The following PLCB1 variants were observed in gnomAD, a reference collection of about 807,000 sequenced individuals.
PLCB1 encodes the protein 1-phosphatidylinositol 4,5-bisphosphate phosphodiesterase beta-1.
PLCB1 carries 46 observed loss-of-function variants against 161.8 expected under a neutral mutation model. That is an observed-to-expected ratio of 0.28 (90% CI 0.22 to 0.36). The LOEUF (loss-of-function observed/expected upper bound fraction) is 0.36, where lower values mean the gene tolerates loss of function less well. PLCB1 is among the 10% of genes least tolerant of loss of function. The pLI is 1.00. For synonymous variants in PLCB1, 517 were observed against 503.7 expected (o/e 1.03, Z -0.35); for missense variants, 1,016 against 1,472.5 (o/e 0.69, Z 5.07).
At chr20:8,629,540 A>G (rs1419499262) in intron 4 of PLCB1, among the ~76,000 whole-genome samples, 1 of 152,236 alleles carries the variant, frequency 6.6e-6, no homozygotes, top group African/African-American at 2.4e-5. Flanking sequence ...TATAGTTTAT[A>G]AAATACTAGT....
chr20:8,458,763 A>C (rs1323937791), intron 3 of PLCB1, among the ~76,000 whole-genome samples: 1 of 152,212 alleles, frequency 6.6e-6, no homozygotes, highest in Non-Finnish European at 1.5e-5. Flanking sequence ...TAAAGTAAAG[A>C]AGCTGACCTT....
At chr20:8,579,451 C>T (rs1330558867) in intron 3 of PLCB1, among the ~76,000 whole-genome samples, 1 of 152,170 alleles carries the variant, frequency 6.6e-6, no homozygotes, top group African/African-American at 2.4e-5. Flanking sequence ...CAAGCGTAAG[C>T]TAAACAACTA....
At chr20:8,188,648 C>A (rs910219994) in intron 2 of PLCB1, among the ~76,000 whole-genome samples, 5 of 152,122 alleles carry the variant, frequency 3.3e-5, no homozygotes, top group African/African-American at 1.2e-4. Flanking sequence ...CTTTTGGAAA[C>A]TTCCTGGGAA....
At chr20:8,395,227 A>G (rs73897432) in intron 3 of PLCB1, among the ~76,000 whole-genome samples, 2,892 of 152,154 alleles carry the variant, frequency 0.019, 107 homozygotes, top group African/African-American at 0.067. Flanking sequence ...CCATAGATAA[A>G]TCTCTACTGT....
rs1987134799 is a variant in PLCB1, at chr20:8,591,034, T to C, written c.247-37260T>C. Among the ~76,000 whole-genome samples, 6 of 152,302 alleles carry C rather than the reference T, an allele frequency of 3.9e-5. 1 individual carries two copies. In the South Asian group the frequency reaches 1.2e-3, roughly 32 times the overall value. On this transcript the variant is annotated intron_variant, in intron 3 of 31. Transcript: ENST00000338037. ...TTCCCCTCCCTGTGTCCATGTGTTC[T>C]CATTGTTCAGCTCCCACTTATAAGC...
At chr20:8,744,074 A>G (rs1288542676) in intron 23 of PLCB1, among the ~76,000 whole-genome samples, 4 of 152,172 alleles carry the variant, frequency 2.6e-5, no homozygotes, top group Non-Finnish European at 5.9e-5. Flanking sequence ...GGTACAATGC[A>G]TATTACCTGA....
At chr20:8,617,969 TTTGAG>T (rs1332125995) in intron 3 of PLCB1, among the ~76,000 whole-genome samples, 2 of 152,296 alleles carry the variant, frequency 1.3e-5, no homozygotes, top group East Asian at 3.9e-4. Flanking sequence ...AGTATAATAA[TTTGAG>T]TTAATTCTTG....
At chr20:8,709,758 C>T (rs150463670) in intron 12 of PLCB1, among the ~76,000 whole-genome samples, 106 of 152,256 alleles carry the variant, frequency 7.0e-4, no homozygotes, top group African/African-American at 2.4e-3. Flanking sequence ...GCCAGAAATC[C>T]ATATTATATT....
At position 8,624,123 on chromosome 20, in the gene PLCB1, T is replaced by C. The variant is rs77840557; in HGVS notation, c.247-4171T>C. Among the ~76,000 whole-genome samples, 999 of 152,330 alleles carry C rather than the reference T, an allele frequency of 6.6e-3. 9 individuals are homozygous for C. Among genetic ancestry groups the C allele is most frequent in the African/African-American group, 0.023 (954 of 41,568 alleles). On this transcript the variant is annotated intron_variant, in intron 3 of 31. Coordinates refer to ENST00000338037, the MANE Select transcript of PLCB1 (RefSeq NM_015192.4). ...GTAGCTTTATCACTATGAAGCTGAA[T>C]CACACGAATCTCACTTAAGTATAAG...
intron 26 of PLCB1, among the ~76,000 whole-genome samples, chr20:8,770,101 C>T (rs972352483): frequency 2.8e-4 from 43 of 152,194 alleles, no homozygotes; most frequent in African/African-American, 7.2e-4. Flanking sequence ...TATAGGCGCC[C>T]GCCACCACGC....
chr20:8,844,877 G>T (rs1003418473), intron 31 of PLCB1, among the ~76,000 whole-genome samples: 6 of 152,076 alleles, frequency 3.9e-5, no homozygotes, highest in African/African-American at 1.4e-4. Flanking sequence ...TTGGGAGGCC[G>T]AGGCGGGCGG....
chr20:8,375,748 T>C (rs1287917337), intron 3 of PLCB1, among the ~76,000 whole-genome samples: 1 of 152,136 alleles, frequency 6.6e-6, no homozygotes, highest in Non-Finnish European at 1.5e-5. Context: ...CTGGCATCTC[T>C]ACTTCCTCAT....
chr20:8,800,682 T>G (rs1984241304), intron 31 of PLCB1, among the ~76,000 whole-genome samples: 1 of 152,120 alleles, frequency 6.6e-6, no homozygotes, highest in South Asian at 2.1e-4. Context: ...AAAGATTTGT[T>G]TCCTTTTTCT....
At chr20:8,859,736 A>T (rs549076117) in intron 31 of PLCB1, among the ~76,000 whole-genome samples, 1 of 152,126 alleles carries the variant, frequency 6.6e-6, no homozygotes, top group East Asian at 1.9e-4. Context: ...GGTCTATTGG[A>T]GCAAGTTAAA....
chr20:8,741,673 T>G (rs1441601912), intron 23 of PLCB1, 100 bp downstream of exon 23: 2 of 707,220 alleles, frequency 2.8e-6, no homozygotes, highest in South Asian at 3.1e-5. Context: ...GGAGAAGGAA[T>G]AGCACATTGG....
At chr20:8,182,923 G>A (rs1021567417) in intron 2 of PLCB1, among the ~76,000 whole-genome samples, 1 of 152,030 alleles carries the variant, frequency 6.6e-6, no homozygotes, top group African/African-American at 2.4e-5. Flanking sequence ...GATAAAATTT[G>A]ACTCTATATC....
chr20:8,284,753 C>T (rs1983034995), intron 2 of PLCB1, among the ~76,000 whole-genome samples: 1 of 152,210 alleles, frequency 6.6e-6, no homozygotes, highest in South Asian at 2.1e-4. Context: ...ATAGACAGAT[C>T]TGGAAATGTT....
At chr20:8,167,519 G>A (rs1020837056) in intron 2 of PLCB1, among the ~76,000 whole-genome samples, 3 of 152,024 alleles carry the variant, frequency 2.0e-5, no homozygotes, top group Non-Finnish European at 2.9e-5. Context: ...TTTAATTACC[G>A]ACCAACACTC....
intron 2 of PLCB1, among the ~76,000 whole-genome samples, chr20:8,201,428 C>G (rs1050806286): frequency 6.6e-6 from 1 of 151,840 alleles, no homozygotes; most frequent in African/African-American, 2.4e-5. Flanking sequence ...GGAAAAAAAT[C>G]CAAAAATTTT....
Sources: allele counts gnomAD v4.1 joint callset (sites outside exome capture counted in the v4.1 genomes callset), GRCh38; gene constraint gnomAD v4.1.1; transcripts MANE v1.5; gene names NCBI Gene and HGNC (gene_info 2026-07-23, HGNC 2026-07-21).